The following TVP23C variants were observed in gnomAD, a reference collection of about 807,000 sequenced individuals.
TVP23C encodes the protein trans-golgi network vesicle protein 23 homolog C, also known as Golgi apparatus membrane protein TVP23 homolog C.
In TVP23C, 19 loss-of-function variants were observed where a neutral mutation model predicts 28.7. The ratio of observed to expected loss-of-function variants is 0.66; its 90% CI spans 0.46 to 0.97. The LOEUF (loss-of-function observed/expected upper bound fraction) is 0.97, where lower values mean the gene tolerates loss of function less well. Among genes scored for constraint, TVP23C ranks in the 50% least tolerant of loss-of-function variants. The probability of loss-of-function intolerance (pLI) is 0.00; values close to 1 mark genes in which losing one functional copy is unlikely to be tolerated. For synonymous variants in TVP23C, 68 were observed against 81.7 expected (o/e 0.83, Z 0.90); for missense variants, 186 against 241.3 (o/e 0.77, Z 1.52).
exon 6 of TVP23C, chr17:15,502,808 T>TCCTCTC (rs1981524146): frequency 4.2e-6 from 6 of 1,415,592 alleles, no homozygotes; most frequent in Non-Finnish European, 5.6e-6. Context: ...CTCCTCTCTC[T>TCCTCTC]CCTCTCTCTC....
At chr17:15,517,164 T>C (rs74899712) in intron 5 of TVP23C, among the ~76,000 whole-genome samples, 1,867 of 152,344 alleles carry the variant, frequency 0.012, 35 homozygotes, top group African/African-American at 0.042. Flanking sequence ...ACTACTTGGC[T>C]GTCTACCCTT....
At chr17:15,529,568 CTGA>C in intron 5 of TVP23C, among the ~76,000 whole-genome samples, 1 of 151,894 alleles carries the variant, frequency 6.6e-6, no homozygotes, top group Non-Finnish European at 1.5e-5. Flanking sequence ...TTATGTTTTT[CTGA>C]TGAATTGGTC....
At chr17:15,508,828 G>A (rs1165704742) in intron 5 of TVP23C, among the ~76,000 whole-genome samples, 2 of 152,128 alleles carry the variant, frequency 1.3e-5, no homozygotes, top group Admixed American at 6.5e-5. Flanking sequence ...TGCCTCTAAC[G>A]TGAAGAGCAA....
intron 1 of TVP23C, 105 bp downstream of exon 1, chr17:15,563,332 T>A (rs1409506924): frequency 4.9e-5 from 75 of 1,516,928 alleles, no homozygotes; most frequent in Non-Finnish European, 8.8e-6. Flanking sequence ...CCGCTCCTCC[T>A]CGAGTTCGAG....
At chr17:15,520,542 C>T (rs1156825357) in intron 5 of TVP23C, among the ~76,000 whole-genome samples, 2 of 139,000 alleles carry the variant, frequency 1.4e-5, no homozygotes, top group Admixed American at 7.2e-5. Context: ...GGATCACAAA[C>T]ATGTACTTCC....
At chr17:15,556,647 C>T (rs923911659) in intron 1 of TVP23C, among the ~76,000 whole-genome samples, 1 of 152,206 alleles carries the variant, frequency 6.6e-6, no homozygotes, top group Non-Finnish European at 1.5e-5. Flanking sequence ...AGCCACCATG[C>T]CCGGCCCCAT....
intron 5 of TVP23C, among the ~76,000 whole-genome samples, chr17:15,543,482 G>C (rs540242838): frequency 0.048 from 7,077 of 147,758 alleles, 491 homozygotes; most frequent in African/African-American, 0.14. Context: ...AAGCATTCCT[G>C]GGACTATTTC....
In TVP23C at chr17:15,538,858, G is replaced by C. The variant is rs1353072961; in HGVS notation, c.*1554C>G. The C allele has an allele frequency of 2.0e-6, 2 of 985,690 alleles. No individual in the cohort carries two copies. Among genetic ancestry groups the C allele is most frequent in the African/African-American group, 1.7e-5 (1 of 57,208 alleles). 61.1% of individuals were successfully genotyped at this position (985,690 alleles called of 1,614,324 possible). On this transcript the variant is annotated 3_prime_UTR_variant, in exon 6 of 6. Coordinates refer to ENST00000518321, the MANE Select transcript of TVP23C (RefSeq NM_001135036.2). ...TTACCCTAAGGTGGACCACAGTAAA[G>C]GTATATTGGAGCCATGCAAAAATCC...
rs528022743 is a variant in TVP23C, at chr17:15,553,727, A to C, written c.198T>G (p.Val66=). Residue 66 remains valine, a synonymous_variant, in exon 3 of 6, where the codon GTT becomes GTG. Coordinates refer to ENST00000518321, the MANE Select transcript of TVP23C (RefSeq NM_001135036.2). ...LLSSSFITCM[V]TIILLLSCDF... The stretch of plus-strand genomic sequence containing the variant: ...CACACGACAACAACAAGATAATTGT[A>C]ACCATACAGGTAATAAAGCTGCTGC... 6.0e-5 allele frequency: 96 copies of C among 1,613,090 alleles called. No individual in the cohort carries two copies. The highest frequency in any genetic ancestry group is 7.3e-5 in the Non-Finnish European group (86 of 1,179,664).
chr17:15,553,378 A>C (rs953397134), intron 3 of TVP23C, among the ~76,000 whole-genome samples: 29 of 152,148 alleles, frequency 1.9e-4, no homozygotes, highest in African/African-American at 6.5e-4. Context: ...TATGGATTAG[A>C]AGCAACATTG....
At chr17:15,555,480 T>A (rs1321296069) in intron 1 of TVP23C, 116 bp from the exon 2 acceptor site, 11 of 1,462,716 alleles carry the variant, frequency 7.5e-6, no homozygotes, top group South Asian at 1.3e-5. Flanking sequence ...GGTTACAGCA[T>A]CAGGAATTCA....
intron 5 of TVP23C, chr17:15,506,874 C>T: frequency 2.6e-6 from 2 of 770,892 alleles, no homozygotes; most frequent in Non-Finnish European, 2.2e-6. Context: ...CCGTGGTCAA[C>T]CCCACCATGT....
chr17:15,507,474 TG>T (rs1981806758), intron 5 of TVP23C: 1 of 431,048 alleles, frequency 2.3e-6, no homozygotes, highest in African/African-American at 2.0e-5. Flanking sequence ...CAGTTCCCTT[TG>T]GGTTCCATGT....
At chr17:15,535,664 C>T (rs34008297), downstream of TVP23C, among the ~76,000 whole-genome samples, 1 of 152,236 alleles carries the variant, frequency 6.6e-6, no homozygotes, top group East Asian at 1.9e-4. Flanking sequence ...CTACAATATT[C>T]ACTTAATTAC....
In TVP23C at chr17:15,527,899, C is replaced by T. The variant is rs1377963118; in HGVS notation, c.462+17886G>A. 2.6e-5 allele frequency among the ~76,000 whole-genome samples: 4 copies of T among 152,174 alleles called. No homozygotes were observed. The South Asian group carries it at 6.2e-4, about 24-fold the overall frequency. ...ATGCTTACATAACAGAATGTTCACA[C>T]AAAAAATAGGTGTAAAGTGATGTAT... On this transcript the variant is annotated intron_variant, in intron 5 of 5. Coordinates refer to the TVP23C transcript ENST00000225576.
chr17:15,560,433 G>A (rs1984328349), intron 1 of TVP23C, among the ~76,000 whole-genome samples: 1 of 149,616 alleles, frequency 6.7e-6, no homozygotes, highest in African/African-American at 2.4e-5. Flanking sequence ...TGGGAGAGGG[G>A]AAGAGAGACT....
At chr17:15,524,063 G>GGGGTGTGTGTGTGTGTGTGTGTGTGTGT (rs1216462843) in intron 5 of TVP23C, among the ~76,000 whole-genome samples, 1 of 136,262 alleles carries the variant, frequency 7.3e-6, no homozygotes, top group African/African-American at 2.8e-5. Context: ...AGCAGAGTGG[G>GGGGTGTGTGTGTGTGTGTGTGTGTGTGT]GTGTGTGTGT....
intron 5 of TVP23C, among the ~76,000 whole-genome samples, chr17:15,543,637 C>T (rs1983517818): frequency 6.6e-6 from 1 of 151,052 alleles, no homozygotes; most frequent in Non-Finnish European, 1.5e-5. Context: ...CTCCTCTGCA[C>T]TCTCTACCCC....
At chr17:15,550,207 A>G (rs1324825153) in intron 3 of TVP23C, among the ~76,000 whole-genome samples, 5 of 152,200 alleles carry the variant, frequency 3.3e-5, no homozygotes, top group African/African-American at 1.2e-4. Flanking sequence ...ATATTCAGAA[A>G]GTTTAACTGT....
Sources: allele counts gnomAD v4.1 joint callset (sites outside exome capture counted in the v4.1 genomes callset), GRCh38; gene constraint gnomAD v4.1.1; transcripts MANE v1.5; gene names NCBI Gene and HGNC (gene_info 2026-07-23, HGNC 2026-07-21).